The following ITGA5 variants were observed in gnomAD, a reference collection of about 807,000 sequenced individuals.
ITGA5 encodes integrin subunit alpha 5, also known as integrin alpha-5.
A neutral mutation model predicts 146.3 loss-of-function variants in ITGA5; 55 were observed. The observed-to-expected ratio is 0.38, with a 90% CI of 0.30 to 0.47. ITGA5 has a LOEUF of 0.47. Among genes scored for constraint, ITGA5 ranks in the 20% least tolerant of loss-of-function variants. The pLI is 0.99. For missense variants in ITGA5, 1,131 were observed against 1,329.0 expected (o/e 0.85, Z 2.32); for synonymous variants, 500 against 531.8 (o/e 0.94, Z 0.82).
chr12:54,411,174 A>C (rs991409031), intron 2 of ITGA5, among the ~76,000 whole-genome samples: 1 of 152,166 alleles, frequency 6.6e-6, no homozygotes, highest in Non-Finnish European at 1.5e-5. Context: ...TCCAGTTTTT[A>C]TTTCTGGAGA....
rs549997293 is a variant in ITGA5, at chr12:54,396,682, C to CTGTT, written c.3067-310_3067-307dup. 3.6e-3 allele frequency among the ~76,000 whole-genome samples: 541 copies of CTGTT among 152,284 alleles called. 5 individuals carry two copies. The highest frequency in any genetic ancestry group is 0.011 in the African/African-American group (442 of 41,562). ...TCTGATTGCTTAGTAGTGGCTGCTT[C>CTGTT]TGTTTGTTTGTTTGTTTTTGAGACA... On this transcript the variant is annotated intron_variant, in intron 29 of 29. Coordinates refer to ENST00000293379, the MANE Select transcript of ITGA5 (RefSeq NM_002205.5).
In ITGA5 at chr12:54,407,887, G is replaced by A; in HGVS notation, c.818-11C>T. 1 of 1,570,396 alleles carries A rather than the reference G, an allele frequency of 6.4e-7. No individual in the cohort carries two copies. The highest frequency in any genetic ancestry group is 8.6e-7 in the Non-Finnish European group (1 of 1,156,576). ...CAGCCACAGAGTATCCTGGGGGACA[G>A]GGTGGGTGGATGTTAGGATTCCTGC... On this transcript the variant is annotated splice_polypyrimidine_tract_variant and intron_variant, in intron 7 of 29. Coordinates refer to ENST00000293379, the MANE Select transcript of ITGA5 (RefSeq NM_002205.5).
chr12:54,406,025 T>G, intron 9 of ITGA5, 99 bp from the exon 10 acceptor site: 1 of 1,059,732 alleles, frequency 9.4e-7, no homozygotes, highest in East Asian at 2.4e-5. Context: ...AGGCATTCCT[T>G]AGAGACGCAG....
chr12:54,405,037 C>T (rs1430460373), intron 12 of ITGA5, 129 bp downstream of exon 12: 5 of 1,197,454 alleles, frequency 4.2e-6, no homozygotes, highest in Non-Finnish European at 5.9e-6. Flanking sequence ...AAGACCCAGA[C>T]AGTGGGATTT....
At position 54,395,635 on chromosome 12, in the gene ITGA5, C is replaced by T. The variant is rs1170085136; in HGVS notation, c.*658G>A. 1 of 152,546 alleles carries T rather than the reference C, an allele frequency of 6.6e-6. No individual in the cohort carries two copies. The highest frequency in any genetic ancestry group is 2.4e-5 in the African/African-American group (1 of 41,458). The allele number at this position is 152,546 out of a possible 1,614,324, so 9.4% of individuals were successfully genotyped here. ...CTGGATTAGGTGCCAATGTCTGAGT[C>T]TGGGTTCCAGATCAACTCCAGACCC... On this transcript the variant is annotated 3_prime_UTR_variant, in exon 30 of 30. Transcript: ENST00000293379.
Position 54,401,638 on chromosome 12 carries a change from G to C in ITGA5, c.2334C>G (p.Asp778Glu), listed in dbSNP as rs546562426. Residue 778 changes from aspartate (D) to glutamate (E), a missense_variant, in exon 23 of 30, where the codon GAC becomes GAG. Coordinates refer to ENST00000293379, the MANE Select transcript of ITGA5 (RefSeq NM_002205.5). This position sits in a 1 kb window ranked among gnomAD's most constrained non-coding sequence, Gnocchi z 5.0. ...LSKNLNNSQS[D>E]VVSFRLSVEA... The stretch of plus-strand genomic sequence containing the variant: ...CCACGGAGAGCCGAAAGGAAACCAC[G>C]TCGCTTTGCGAGTTGTTGAGATTCT... 1 of 1,614,188 alleles carries C rather than the reference G, an allele frequency of 6.2e-7. No homozygotes were observed. The highest frequency in any genetic ancestry group is 1.3e-5 in the African/African-American group (1 of 75,032).
chr12:54,418,864 A>T, intron 1 of ITGA5, 117 bp downstream of exon 1: 1 of 1,233,586 alleles, frequency 8.1e-7, no homozygotes. Context: ...CTGCAGCTCT[A>T]TTCCTTACAA....
At chr12:54,397,603 A>C (rs1435408774) in intron 28 of ITGA5, 116 bp from the exon 29 acceptor site, 2 of 1,237,510 alleles carry the variant, frequency 1.6e-6, no homozygotes, top group Non-Finnish European at 2.3e-6. Flanking sequence ...TCTCTGGGGA[A>C]CAGGGAGGGC....
chr12:54,403,675 T>G lies in ITGA5; in HGVS notation c.1726A>C (p.Ile576Leu), dbSNP rs1955820557. 6.2e-7 allele frequency: 1 copy of G among 1,614,162 alleles called. No individual in the cohort carries two copies. The highest frequency in any genetic ancestry group is 8.5e-7 in the Non-Finnish European group (1 of 1,180,034). Residue 576 changes from isoleucine (I) to leucine (L), a missense_variant, in exon 17 of 30, where the codon ATC becomes CTC. Physicochemically the swap from Ile to Leu is conservative, Grantham distance 5. Transcript: ENST00000293379. The surrounding 1 kb of genome is among the most constrained non-coding windows in gnomAD (Gnocchi z 4.9). ...CAATCCTCTCGAGCCCCATTCTGGA[T>G]GAGCAGGGTCTGGGTCAGGGTTGCC... ...RQATLTQTLL[I>L]QNGAREDCRE...
Position 54,401,256 on chromosome 12 carries a change from AC to A in ITGA5, c.2493+116del. ...ACTCTGCCTCATGCCTTTGCATATC[AC>A]TTACTCCTCCCTCCTCTCTTTCTCT... On this transcript the variant is annotated intron_variant, in intron 24 of 29. Coordinates refer to ENST00000293379, the MANE Select transcript of ITGA5 (RefSeq NM_002205.5). The surrounding 1 kb of genome is among the most constrained non-coding windows in gnomAD (Gnocchi z 5.0). 1.2e-6 allele frequency: 1 copy of A among 864,048 alleles called. No individual in the cohort carries two copies. The allele number at this position is 864,048 out of a possible 1,614,324, so 53.5% of individuals were successfully genotyped here. A position where few individuals can be genotyped will look rare whatever the true frequency, so the allele number is the denominator to read the frequency against.
chr12:54,397,864 A>G (rs1003824318), intron 28 of ITGA5, among the ~76,000 whole-genome samples: 4 of 152,078 alleles, frequency 2.6e-5, no homozygotes, highest in Non-Finnish European at 4.4e-5. Context: ...TAAAATGTAC[A>G]ATATTGTCTC....
intron 1 of ITGA5, 136 bp downstream of exon 1, chr12:54,418,845 G>A (rs1466554915): frequency 9.4e-7 from 1 of 1,061,658 alleles, no homozygotes; most frequent in Non-Finnish European, 1.3e-6. Context: ...CTCTAGCCAG[G>A]GCCCCCAACT....
chr12:54,405,499 C>T (rs146610583), intron 11 of ITGA5, 125 bp from the exon 12 acceptor site: 31 of 983,818 alleles, frequency 3.2e-5, no homozygotes, highest in Non-Finnish European at 4.7e-5. Flanking sequence ...CTCTGATCAT[C>T]AGCTCTCAGC....
intron 28 of ITGA5, 103 bp downstream of exon 28, chr12:54,398,494 C>T: frequency 5.3e-6 from 4 of 749,432 alleles, no homozygotes; most frequent in Non-Finnish European, 9.0e-6. Context: ...ACATTCTCAA[C>T]AGTTGTTAAC....
chr12:54,401,747 GCC>G lies in ITGA5; in HGVS notation c.2306+27_2306+28del, dbSNP rs1486415245. 6.2e-7 allele frequency: 1 copy of G among 1,612,298 alleles called. No individual in the cohort carries two copies. Among genetic ancestry groups the G allele is most frequent in the Non-Finnish European group, 8.5e-7 (1 of 1,178,380 alleles). On this transcript the variant is annotated intron_variant, in intron 22 of 29. Transcript: ENST00000293379. The surrounding 1 kb of genome is among the most constrained non-coding windows in gnomAD (Gnocchi z 5.0). Reference sequence around the variant, plus strand: ...AGCCCTCCCTTCCGTCCCCAGCTCAGCCCCAGCCTAGACACACTCACTCCCTA... The same window carrying G: ...AGCCCTCCCTTCCGTCCCCAGCTCAGCCAGCCTAGACACACTCACTCCCTA...
In ITGA5 at chr12:54,403,818, T is replaced by C. The variant is rs1210024986; in HGVS notation, c.1622-39A>G. ...CATATAAAGGGAAACTGCCTGTCTT[T>C]CCTCATCTTTTCAGAGAGAAGAAAT... On this transcript the variant is annotated intron_variant, in intron 16 of 29. Coordinates refer to ENST00000293379, the MANE Select transcript of ITGA5 (RefSeq NM_002205.5). This position sits in a 1 kb window ranked among gnomAD's most constrained non-coding sequence, Gnocchi z 4.9. The C allele has an allele frequency of 1.9e-6, 3 of 1,610,914 alleles. No homozygotes were observed. Among genetic ancestry groups the C allele is most frequent in the Non-Finnish European group, 2.5e-6 (3 of 1,177,468 alleles).
In ITGA5 at chr12:54,404,414, C is replaced by G; in HGVS notation, c.1463+16G>C. 6.2e-7 allele frequency: 1 copy of G among 1,613,568 alleles called. No homozygotes were observed. The highest frequency in any genetic ancestry group is 8.5e-7 in the Non-Finnish European group (1 of 1,179,436). On this transcript the variant is annotated intron_variant, in intron 14 of 29. Coordinates refer to ENST00000293379, the MANE Select transcript of ITGA5 (RefSeq NM_002205.5). ...TCCACCCAGGTTGTCCCCTCATCTCCCTTTGGAGCTCATACCTGTATACCA... is the reference window on the plus strand; with the variant it reads ...TCCACCCAGGTTGTCCCCTCATCTCGCTTTGGAGCTCATACCTGTATACCA...
intron 9 of ITGA5, among the ~76,000 whole-genome samples, chr12:54,406,783 T>C (rs1955872019): frequency 6.6e-6 from 1 of 152,176 alleles, no homozygotes; most frequent in African/African-American, 2.4e-5. Flanking sequence ...CTCTCATCTG[T>C]CCTCTTCCTT....
Position 54,403,359 on chromosome 12 carries a change from G to A in ITGA5, c.1777-35C>T, listed in dbSNP as rs376700423. The A allele has an allele frequency of 1.4e-5, 21 of 1,498,284 alleles. No individual in the cohort carries two copies. The highest frequency in any genetic ancestry group is 3.6e-4 in the Middle Eastern group (2 of 5,540). The allele number at this position is 1,498,284 out of a possible 1,614,324, so 92.8% of individuals were successfully genotyped here. A position where few individuals can be genotyped will look rare whatever the true frequency, so the allele number is the denominator to read the frequency against. On this transcript the variant is annotated intron_variant, in intron 17 of 29. Coordinates refer to ENST00000293379, the MANE Select transcript of ITGA5 (RefSeq NM_002205.5). The surrounding 1 kb of genome is among the most constrained non-coding windows in gnomAD (Gnocchi z 4.9). ...GAGGAGAGAGTTCACGGAGTCAGGG[G>A]ACTCTGGAGACTTAGTGGCCCTGCT...
Sources: allele counts gnomAD v4.1 joint callset (sites outside exome capture counted in the v4.1 genomes callset), GRCh38; gene constraint gnomAD v4.1.1; non-coding constraint Gnocchi (gnomAD v3.1); transcripts MANE v1.5; gene names NCBI Gene and HGNC (gene_info 2026-07-23, HGNC 2026-07-21).